The following ME1 variants were observed in gnomAD, a reference collection of about 807,000 sequenced individuals.
ME1 encodes malic enzyme 1, also known as NADP-dependent malic enzyme.
In ME1, 74 loss-of-function variants were observed where a neutral mutation model predicts 66.4. The ratio of observed to expected loss-of-function variants is 1.11; its 90% CI spans 0.92 to 1.35. The LOEUF is 1.35. Among genes scored for constraint, ME1 ranks in the 40% most tolerant of loss-of-function variants. ME1 has a pLI of 0.00. For missense variants in ME1, 750 were observed against 694.1 expected, an observed-to-expected ratio of 1.08 and a Z score of -0.90; for synonymous variants, 251 against 235.6, an observed-to-expected ratio of 1.07 and a Z score of -0.60.
intron 5 of ME1, among the ~76,000 whole-genome samples, chr6:83,320,951 A>T (rs761097106): frequency 1.3e-5 from 2 of 152,110 alleles, no homozygotes; most frequent in Non-Finnish European, 2.9e-5. Flanking sequence ...CAATTGAGGT[A>T]CCCGGTTCAT....
chr6:83,361,751 T>C (rs918400426), intron 3 of ME1, among the ~76,000 whole-genome samples: 2 of 152,212 alleles, frequency 1.3e-5, no homozygotes, highest in Middle Eastern at 3.2e-3. Flanking sequence ...CCATGTGACC[T>C]GAACTGCCTG....
At chr6:83,365,418 C>G (rs1562491377) in intron 3 of ME1, among the ~76,000 whole-genome samples, 1 of 152,112 alleles carries the variant, frequency 6.6e-6, no homozygotes, top group Admixed American at 6.6e-5. Flanking sequence ...TTAACCCTGC[C>G]CAGTCTTCAA....
At chr6:83,283,998 A>G (rs2128533611) in intron 6 of ME1, among the ~76,000 whole-genome samples, 1 of 152,310 alleles carries the variant, frequency 6.6e-6, no homozygotes, top group South Asian at 2.1e-4. Context: ...AGCTAGATTA[A>G]CAAGGAAAAA....
At chr6:83,426,427 C>T (rs1027524336) in intron 1 of ME1, among the ~76,000 whole-genome samples, 4 of 152,160 alleles carry the variant, frequency 2.6e-5, no homozygotes, top group African/African-American at 9.7e-5. Flanking sequence ...TACAGAGGTA[C>T]CTGGCTGTAT....
intron 7 of ME1, among the ~76,000 whole-genome samples, chr6:83,245,227 G>A (rs1275852534): frequency 2.6e-5 from 4 of 151,862 alleles, no homozygotes; most frequent in Non-Finnish European, 5.9e-5. Context: ...ACTGATGGAG[G>A]GAAGAAAATA....
In ME1 at chr6:83,212,065, T is replaced by A. The variant is rs1282911946; in HGVS notation, c.1578A>T (p.Thr526=). Reference sequence around the variant, plus strand: ...TTTGCGGTTCAGGATAAACTGTGGCTGTCTTTTCTTGGTATGCATCTTTCA... The same window carrying A: ...TTTGCGGTTCAGGATAAACTGTGGCAGTCTTTTCTTGGTATGCATCTTTCA... ...KIVKDAYQEK[T]ATVYPEPQNK... Residue 526 remains threonine (T), a synonymous_variant, in exon 14 of 14, where the codon ACA becomes ACT. Transcript: ENST00000369705. 6.2e-7 allele frequency: 1 copy of A among 1,609,200 alleles called. No homozygotes were observed. Among genetic ancestry groups the A allele is most frequent in the East Asian group, 2.2e-5 (1 of 44,674 alleles).
intron 6 of ME1, among the ~76,000 whole-genome samples, chr6:83,297,854 C>G (rs938477407): frequency 6.6e-6 from 1 of 152,124 alleles, no homozygotes; most frequent in Non-Finnish European, 1.5e-5. Context: ...AGGATAATGG[C>G]TTCCAGCTTC....
intron 6 of ME1, among the ~76,000 whole-genome samples, chr6:83,298,535 A>G (rs1047532736): frequency 1.3e-5 from 2 of 152,046 alleles, no homozygotes; most frequent in Non-Finnish European, 2.9e-5. Context: ...CTCTGATGAT[A>G]GTTTCTTTTG....
Position 83,223,821 on chromosome 6 carries a change from A to T in ME1, c.1388T>A (p.Leu463His). 1.9e-6 allele frequency: 3 copies of T among 1,614,002 alleles called. No individual in the cohort carries two copies. Among genetic ancestry groups the T allele is most frequent in the Non-Finnish European group, 2.5e-6 (3 of 1,179,882 alleles). The change falls in exon 12 of 14, where the codon CTT becomes CAT. Residue 463 changes from leucine (L) to histidine (H), a missense_variant. Leu to His is a moderately conservative substitution (Grantham distance 99). Transcript: ENST00000369705. ...CCTCAATCCACACGCCACAACACCAAGAGCAACTCCAGGGAACACATAGGA... is the reference window on the plus strand; with the variant it reads ...CCTCAATCCACACGCCACAACACCATGAGCAACTCCAGGGAACACATAGGA... ...NNSYVFPGVA[L>H]GVVACGLRQI...
Position 83,377,537 on chromosome 6 carries a change from T to C in ME1, c.362+20830A>G, listed in dbSNP as rs149625933. ...ACATGCAATTGCAGACTTGAGAGCA[T>C]AGTTTTTGGAAATACTTAAATTTAA... On this transcript the variant is annotated intron_variant, in intron 3 of 13. Coordinates refer to ENST00000369705, the MANE Select transcript of ME1 (RefSeq NM_002395.6). 6.6e-3 allele frequency among the ~76,000 whole-genome samples: 999 copies of C among 152,276 alleles called. 10 individuals carry two copies. Among genetic ancestry groups the C allele is most frequent in the African/African-American group, 0.023 (948 of 41,578 alleles).
intron 3 of ME1, among the ~76,000 whole-genome samples, chr6:83,358,637 G>C (rs950588721): frequency 2.6e-5 from 4 of 152,176 alleles, no homozygotes; most frequent in Admixed American, 1.3e-4. Context: ...ATGCAACTTG[G>C]AATGGGGATG....
Position 83,237,765 on chromosome 6 carries a change from T to G in ME1, c.978A>C (p.Lys326Asn). The change falls in exon 9 of 14, where the codon AAA becomes AAC. Residue 326 changes from lysine to asparagine, a missense_variant. Lys to Asn is a moderately conservative substitution (Grantham distance 94). Transcript: ENST00000369705. Reference protein sequence around the residue: ...ALEKEGLPKEKAIKKIWLVDS... With the variant: ...ALEKEGLPKENAIKKIWLVDS... Reference sequence around the variant, plus strand: ...CAACCAGCCATATCTTTTTGATGGCTTTCTCTTTTGGTAAACCTTCTTTTT... The same window carrying G: ...CAACCAGCCATATCTTTTTGATGGCGTTCTCTTTTGGTAAACCTTCTTTTT... 1 of 1,609,424 alleles carries G rather than the reference T, an allele frequency of 6.2e-7. No homozygotes were observed. Among genetic ancestry groups the G allele is most frequent in the East Asian group, 2.2e-5 (1 of 44,648 alleles).
chr6:83,277,293 T>G (rs894430329), intron 6 of ME1, among the ~76,000 whole-genome samples: 1 of 152,218 alleles, frequency 6.6e-6, no homozygotes, highest in African/African-American at 2.4e-5. Context: ...CTACACAACT[T>G]CTTTTATAAC....
chr6:83,313,296 C>A (rs968221322), intron 6 of ME1, among the ~76,000 whole-genome samples: 11 of 152,094 alleles, frequency 7.2e-5, no homozygotes, highest in Admixed American at 5.2e-4. Context: ...GAAGTACAAA[C>A]CCTGATTCAT....
intron 3 of ME1, among the ~76,000 whole-genome samples, chr6:83,361,447 G>A (rs1363628230): frequency 1.3e-5 from 2 of 152,328 alleles, no homozygotes; most frequent in Middle Eastern, 3.4e-3. Flanking sequence ...TTTGAGTGGG[G>A]TCCAAAACAG....
chr6:83,311,706 G>A lies in ME1; in HGVS notation c.704+3604C>T, dbSNP rs182862778. 5.2e-3 allele frequency among the ~76,000 whole-genome samples: 795 copies of A among 152,234 alleles called. 5 individuals are homozygous for A. The highest frequency in any genetic ancestry group is 8.1e-3 in the Non-Finnish European group (551 of 68,016). ...TCTCCCCTGAAGGTCAGGAGTGACA[G>A]AAGAAAAGGATGATATATAACCAGC... On this transcript the variant is annotated intron_variant, in intron 6 of 13. Coordinates refer to ENST00000369705, the MANE Select transcript of ME1 (RefSeq NM_002395.6).
At chr6:83,386,019 CT>C (rs954900625) in intron 3 of ME1, among the ~76,000 whole-genome samples, 1 of 151,706 alleles carries the variant, frequency 6.6e-6, no homozygotes, top group Admixed American at 6.6e-5. Flanking sequence ...TTCCATCTGA[CT>C]TGTTTCATAT....
intron 6 of ME1, among the ~76,000 whole-genome samples, chr6:83,258,904 A>C (rs1463921308): frequency 6.6e-6 from 1 of 152,236 alleles, no homozygotes; most frequent in East Asian, 1.9e-4. Context: ...TTTACATCTG[A>C]AAATACTGCA....
In ME1 at chr6:83,395,578, C is replaced by T. The variant is rs191604516; in HGVS notation, c.362+2789G>A. On this transcript the variant is annotated intron_variant, in intron 3 of 13. Transcript: ENST00000369705. Reference sequence around the variant, plus strand: ...GCAACCTCCACTTCCCAGATTCAAGCGATTCTCCTTCCTCAGCCTCCTGAG... The same window carrying T: ...GCAACCTCCACTTCCCAGATTCAAGTGATTCTCCTTCCTCAGCCTCCTGAG... 5.5e-3 allele frequency among the ~76,000 whole-genome samples: 828 copies of T among 151,276 alleles called. 21 individuals are homozygous for T. The highest frequency in any genetic ancestry group is 0.041 in the Admixed American group (622 of 15,188).
Sources: gnomAD v4.1 joint callset for allele counts (sites outside exome capture counted in the v4.1 genomes callset) on GRCh38, gnomAD v4.1.1 for gene constraint, MANE v1.5 for transcripts, NCBI Gene and HGNC (gene_info 2026-07-23, HGNC 2026-07-21) for gene names.